The following KAZN variants were observed in gnomAD, a reference collection of about 807,000 sequenced individuals.
KAZN encodes the protein kazrin.
In KAZN, 40 loss-of-function variants were observed where a neutral mutation model predicts 87.4. The ratio of observed to expected loss-of-function variants is 0.46; its 90% CI spans 0.36 to 0.60. KAZN has a LOEUF of 0.60. Among genes scored for constraint, KAZN ranks in the 20% least tolerant of loss-of-function variants. The pLI, the probability that KAZN is intolerant of heterozygous loss-of-function variation, is 0.00. For synonymous variants in KAZN, 466 were observed against 458.3 expected (o/e 1.02, Z -0.22); for missense variants, 898 against 1,073.9 (o/e 0.84, Z 2.29).
chr1:15,019,795 T>C (rs927963796), intron 2 of KAZN, among the ~76,000 whole-genome samples: 3 of 152,148 alleles, frequency 2.0e-5, no homozygotes, highest in African/African-American at 7.2e-5. Context: ...ACCCACCCCA[T>C]AGGAATCACT....
chr1:15,098,056 C>T (rs111702652), intron 10 of KAZN, among the ~76,000 whole-genome samples: 3 of 152,176 alleles, frequency 2.0e-5, no homozygotes, highest in East Asian at 1.9e-4. Context: ...ATGAGGCAAG[C>T]GCAATTCTCC....
intron 1 of KAZN, among the ~76,000 whole-genome samples, chr1:14,013,144 G>A (rs1640397267): frequency 6.6e-6 from 1 of 152,118 alleles, no homozygotes; most frequent in Non-Finnish European, 1.5e-5. Flanking sequence ...TTCCTTCAAT[G>A]TTTTCTCTAA....
rs187331861 is a variant in KAZN at position 14,168,129 on chromosome 1, C to T, written c.92-12306C>T. Among the ~76,000 whole-genome samples, 146 of 152,226 alleles carry T rather than the reference C, an allele frequency of 9.6e-4. No homozygotes were observed. The South Asian group carries it at 0.016, about 17-fold the overall frequency. On this transcript the variant is annotated intron_variant, in intron 1 of 16. Transcript: ENST00000636203. ...CCTTGTTGCAGTCTTTACCGGACAA[C>T]GACATTCAAATGAAAATTCGTGTAT...
intron 1 of KAZN, among the ~76,000 whole-genome samples, chr1:14,028,188 T>C (rs1641164864): frequency 1.3e-5 from 1 of 79,528 alleles, no homozygotes; most frequent in South Asian, 4.6e-4. Flanking sequence ...TTATTTATGG[T>C]AAAAACTGGT....
chr1:14,143,925 C>T (rs1360936350), intron 1 of KAZN, among the ~76,000 whole-genome samples: 1 of 152,090 alleles, frequency 6.6e-6, no homozygotes, highest in Non-Finnish European at 1.5e-5. Flanking sequence ...ACCACGTTGG[C>T]CAGGCTGGTA....
chr1:14,649,501 G>A (rs1681062235), intron 1 of KAZN, among the ~76,000 whole-genome samples: 1 of 152,112 alleles, frequency 6.6e-6, no homozygotes, highest in Non-Finnish European at 1.5e-5. Flanking sequence ...TTGATCCATT[G>A]TCATAGGCCA....
intron 1 of KAZN, among the ~76,000 whole-genome samples, chr1:14,930,852 G>A (rs372801103): frequency 1.3e-5 from 2 of 152,314 alleles, no homozygotes; most frequent in Admixed American, 1.3e-4. Flanking sequence ...CAGTTGGGAG[G>A]GGGGAACCCT....
At chr1:14,418,214 T>C (rs1664992607) in intron 2 of KAZN, among the ~76,000 whole-genome samples, 1 of 151,880 alleles carries the variant, frequency 6.6e-6, no homozygotes, top group Non-Finnish European at 1.5e-5. Flanking sequence ...TATTAGGAGC[T>C]CAAATTCAGG....
chr1:14,276,071 C>T (rs1462060087), intron 2 of KAZN, among the ~76,000 whole-genome samples: 1 of 152,154 alleles, frequency 6.6e-6, no homozygotes, highest in Non-Finnish European at 1.5e-5. Context: ...CAAGGCTGCC[C>T]TCCCAGCTGC....
intron 1 of KAZN, among the ~76,000 whole-genome samples, chr1:14,087,724 G>A (rs1315970472): frequency 1.3e-5 from 2 of 151,854 alleles, no homozygotes; most frequent in South Asian, 2.1e-4. Context: ...CGGTTTTTCT[G>A]TTTTAGTATG....
intron 2 of KAZN, among the ~76,000 whole-genome samples, chr1:14,501,812 A>T (rs757478624): frequency 6.6e-6 from 1 of 152,222 alleles, no homozygotes; most frequent in Non-Finnish European, 1.5e-5. Context: ...AAAACGAAGG[A>T]CTGATCTGTG....
chr1:15,007,056 CAAAAAAAAAAAAA>C (rs35245453), intron 2 of KAZN, among the ~76,000 whole-genome samples: 1 of 67,912 alleles, frequency 1.5e-5, no homozygotes, highest in Non-Finnish European at 2.8e-5. Flanking sequence ...GACTCCGTCT[CAAAAAAAAAAAAA>C]AAAAAAAAGA....
intron 2 of KAZN, among the ~76,000 whole-genome samples, chr1:15,020,292 C>T (rs1269190038): frequency 6.6e-6 from 1 of 152,158 alleles, no homozygotes; most frequent in Non-Finnish European, 1.5e-5. Context: ...TAAAGGATCA[C>T]ATAATACTCA....
intron 2 of KAZN, among the ~76,000 whole-genome samples, chr1:14,181,497 C>T (rs147503537): frequency 2.8e-4 from 43 of 152,240 alleles, no homozygotes; most frequent in African/African-American, 8.9e-4. Context: ...AAATCAATCC[C>T]GAAGCCCGGG....
chr1:14,156,567 A>G (rs1645596809), intron 1 of KAZN, among the ~76,000 whole-genome samples: 1 of 152,092 alleles, frequency 6.6e-6, no homozygotes, highest in Admixed American at 6.6e-5. Context: ...TGTTGAAATA[A>G]CCCATTTATC....
intron 2 of KAZN, among the ~76,000 whole-genome samples, chr1:14,439,578 T>C (rs994744199): frequency 1.3e-5 from 2 of 152,224 alleles, no homozygotes; most frequent in African/African-American, 4.8e-5. Context: ...ATGTACACTG[T>C]CCAGTATGGT....
chr1:14,548,345 C>T (rs1673298659), intron 2 of KAZN, among the ~76,000 whole-genome samples: 1 of 151,908 alleles, frequency 6.6e-6, no homozygotes, highest in Non-Finnish European at 1.5e-5. Flanking sequence ...ACTACAGGCG[C>T]CCACCACCAT....
At position 14,779,329 on chromosome 1, in the gene KAZN, G is replaced by A. The variant is rs565908360; in HGVS notation, c.226+180106G>A. Among the ~76,000 whole-genome samples, 4 of 152,316 alleles carry A rather than the reference G, an allele frequency of 2.6e-5. No individual in the cohort carries two copies. The East Asian group carries it at 7.7e-4, about 29-fold the overall frequency. On this transcript the variant is annotated intron_variant, in intron 1 of 14. Transcript: ENST00000376030. Reference sequence around the variant, plus strand: ...CTACACATCCTGCCACTAGGAGGCAGTGTGGGCCCCCCGGCTTCCCTCTGG... The same window carrying A: ...CTACACATCCTGCCACTAGGAGGCAATGTGGGCCCCCCGGCTTCCCTCTGG...
At chr1:14,602,942 G>T (rs1176067846) in intron 1 of KAZN, among the ~76,000 whole-genome samples, 1 of 152,176 alleles carries the variant, frequency 6.6e-6, no homozygotes, top group Non-Finnish European at 1.5e-5. Flanking sequence ...TGGAGGCAAG[G>T]GTCGGTTTCC....
Sources: allele counts gnomAD v4.1 joint callset (sites outside exome capture counted in the v4.1 genomes callset), GRCh38; gene constraint gnomAD v4.1.1; transcripts MANE v1.5; gene names NCBI Gene and HGNC (gene_info 2026-07-23, HGNC 2026-07-21).